Variants in AIFM3 observed in about 807,000 individuals in gnomAD.
AIFM3 encodes apoptosis-inducing factor 3.
A neutral mutation model predicts 82.7 loss-of-function variants in AIFM3; 71 were observed. The observed-to-expected ratio is 0.86, with a 90% confidence interval of 0.71 to 1.05. AIFM3 has a LOEUF of 1.05. Among genes scored for constraint, AIFM3 ranks in the 50% least tolerant of loss-of-function variants. The pLI is 0.00. For synonymous variants in AIFM3, 337 were observed against 329.1 expected (o/e 1.02, Z -0.26); for missense variants, 748 against 816.7 (o/e 0.92, Z 1.03).
In AIFM3 at chr22:20,973,848, C is replaced by T. The variant is rs148456772; in HGVS notation, c.336C>T (p.Tyr112=). The part of the protein sequence containing the change: ...FHALGHKCPH[Y]GAPLVKGVLS... ...CCCTGGGCCATAAGTGTCCGCACTACGGCGCACCCCTGGTGAAAGGTGAGC... is the reference window on the plus strand; with the variant it reads ...CCCTGGGCCATAAGTGTCCGCACTATGGCGCACCCCTGGTGAAAGGTGAGC... Residue 112 remains tyrosine, a synonymous_variant, in exon 4 of 21, where the codon TAC becomes TAT. Coordinates refer to ENST00000440238, the MANE Select transcript of AIFM3 (RefSeq NM_001386814.1). 1.0e-4 allele frequency: 159 copies of T among 1,553,112 alleles called. No homozygotes were observed. In the African/African-American group the frequency reaches 1.3e-3, roughly 13 times the overall value.
Position 20,973,345 on chromosome 22 carries a change from C to T in AIFM3, c.70C>T (p.Arg24Ter), listed in dbSNP as rs569194029. 1.9e-5 allele frequency: 30 copies of T among 1,604,982 alleles called. No individual in the cohort carries two copies. Among genetic ancestry groups the T allele is most frequent in the African/African-American group, 1.7e-4 (13 of 74,802 alleles). Residue 24 changes from arginine (R) to a stop codon, truncating the protein, a stop_gained, in exon 3 of 21, where the codon CGA becomes TGA. Coordinates refer to ENST00000440238, the MANE Select transcript of AIFM3 (RefSeq NM_001386814.1). LOFTEE classifies it high-confidence loss of function. Reference sequence around the variant, plus strand: ...CGAGGTGGTGCTGCCTGAGAAGGAGCGAGGCAAGGAGGAGCTGTCGGCCAG... The same window carrying T: ...CGAGGTGGTGCTGCCTGAGAAGGAGTGAGGCAAGGAGGAGCTGTCGGCCAG... ...KIEVVLPEKE[R>*]GKEELSASGK...
In AIFM3 at chr22:20,973,882, G is replaced by A; in HGVS notation, c.355+15G>A. ...CCTGGTGAAAGGTGAGCTGTCAGGTGGGAGGCGTGAGGGGGACCTTCCAGG... is the reference window on the plus strand; with the variant it reads ...CCTGGTGAAAGGTGAGCTGTCAGGTAGGAGGCGTGAGGGGGACCTTCCAGG... On this transcript the variant is annotated intron_variant, in intron 4 of 20. Coordinates refer to ENST00000440238, the MANE Select transcript of AIFM3 (RefSeq NM_001386814.1). 1 of 1,513,470 alleles carries A rather than the reference G, an allele frequency of 6.6e-7. No individual in the cohort carries two copies. The highest frequency in any genetic ancestry group is 8.9e-7 in the Non-Finnish European group (1 of 1,126,158). The allele number at this position is 1,513,470 out of a possible 1,614,324, so 93.8% of individuals were successfully genotyped here. A position where few individuals can be genotyped will look rare whatever the true frequency, so the allele number is the denominator to read the frequency against.
intron 2 of AIFM3, among the ~76,000 whole-genome samples, chr22:20,972,200 T>A (rs1480502641): frequency 1.3e-5 from 2 of 151,768 alleles, no homozygotes; most frequent in Non-Finnish European, 1.5e-5. Flanking sequence ...AGGTCAGGAG[T>A]TCGAGACCAG....
chr22:20,974,286 C>A lies in AIFM3; in HGVS notation c.500C>A (p.Ala167Asp), dbSNP rs771397968. The change falls in exon 6 of 21, where the codon GCC becomes GAC. Residue 167 changes from alanine to aspartate, a missense_variant. By Grantham distance (126) the Ala-to-Asp change is moderately radical. Transcript: ENST00000440238. ...GAGAAGGAGAAGGTGTACGTCCGGG[C>A]CAGCAAGCAGGTGAGGGGATAGCTC... ...KIEKEKVYVR[A>D]SKQALQLQRR... 6.2e-7 allele frequency: 1 copy of A among 1,613,608 alleles called. No individual in the cohort carries two copies. The highest frequency in any genetic ancestry group is 8.5e-7 in the Non-Finnish European group (1 of 1,179,944).
intron 8 of AIFM3, 136 bp downstream of exon 8, chr22:20,974,952 A>C: frequency 1.3e-6 from 1 of 790,574 alleles, no homozygotes; most frequent in Non-Finnish European, 2.0e-6. Flanking sequence ...TGGTACCCCC[A>C]AAAGATCTAG....
intron 1 of AIFM3, chr22:20,967,582 A>G (rs918496012): frequency 6.5e-6 from 2 of 310,052 alleles, no homozygotes; most frequent in Non-Finnish European, 6.0e-6. Context: ...TGGGCGGCCG[A>G]GGTTCGGGCA....
At position 20,969,432 on chromosome 22, in the gene AIFM3, C is replaced by T. The variant is rs562185928; in HGVS notation, c.31+1457C>T. The stretch of plus-strand genomic sequence containing the variant: ...GGGCCTGGCACACCAGAAGCACTTG[C>T]GGAATTTTTTTTTTTTGAGACAGAG... On this transcript the variant is annotated intron_variant, in intron 2 of 20. Transcript: ENST00000440238. Among the ~76,000 whole-genome samples the T allele has an allele frequency of 3.5e-3, 527 of 149,194 alleles. 4 individuals are homozygous for T. The highest frequency in any genetic ancestry group is 5.8e-3 in the Non-Finnish European group (394 of 67,944).
At chr22:20,965,657 G>T (rs1922835422), upstream of AIFM3, among the ~76,000 whole-genome samples, 1 of 152,186 alleles carries the variant, frequency 6.6e-6, no homozygotes, top group African/African-American at 2.4e-5. Flanking sequence ...CCACCCCTAG[G>T]ACGCCTGGAA....
chr22:20,979,145 C>T, intron 16 of AIFM3, 126 bp from the exon 17 acceptor site: 4 of 931,104 alleles, frequency 4.3e-6, no homozygotes, highest in Non-Finnish European at 5.1e-6. Flanking sequence ...ACAATGATGT[C>T]TCTTGACCTC....
At chr22:20,973,105 C>G (rs1300217272) in intron 2 of AIFM3, among the ~76,000 whole-genome samples, 1 of 152,088 alleles carries the variant, frequency 6.6e-6, no homozygotes, top group Non-Finnish European at 1.5e-5. Flanking sequence ...CGGGAGCACC[C>G]CCACCCATCC....
chr22:20,969,453 CAG>C (rs1055766717), intron 2 of AIFM3, among the ~76,000 whole-genome samples: 4 of 151,468 alleles, frequency 2.6e-5, no homozygotes, highest in Non-Finnish European at 5.9e-5. Context: ...TTTTTTGAGA[CAG>C]AGTTCACTCC....
At chr22:20,971,314 TCA>T (rs1491117846) in intron 2 of AIFM3, among the ~76,000 whole-genome samples, 2 of 152,234 alleles carry the variant, frequency 1.3e-5, no homozygotes, top group Non-Finnish European at 2.9e-5. Flanking sequence ...TACGATGGCC[TCA>T]GTGTGGCTCT....
chr22:20,967,813 G>T lies in AIFM3; in HGVS notation c.-132G>T. 1.0e-6 allele frequency: 1 copy of T among 953,240 alleles called. No homozygotes were observed. The highest frequency in any genetic ancestry group is 2.5e-5 in the East Asian group (1 of 40,648). The allele number at this position is 953,240 out of a possible 1,614,324, so 59.0% of individuals were successfully genotyped here. On this transcript the variant is annotated 5_prime_UTR_variant, in exon 2 of 21. Coordinates refer to ENST00000440238, the MANE Select transcript of AIFM3 (RefSeq NM_001386814.1). The stretch of plus-strand genomic sequence containing the variant: ...TCCAGTCTCCCCTGCAGGTCCTAGA[G>T]CAGCTCCAGCAGGATGGCGGCTCCA...
Position 20,980,986 on chromosome 22 carries a change from C to G in AIFM3, c.1779-6C>G, listed in dbSNP as rs1157451067. ...GTCTTGACCCCTCCTCCCCTCACTC[C>G]TGCAGGACTGGCGACATGTCCTGGC... On this transcript the variant is annotated splice_polypyrimidine_tract_variant and splice_region_variant and intron_variant, in intron 20 of 20. Coordinates refer to ENST00000440238, the MANE Select transcript of AIFM3 (RefSeq NM_001386814.1). 6 of 1,614,092 alleles carry G rather than the reference C, an allele frequency of 3.7e-6. No homozygotes were observed. The highest frequency in any genetic ancestry group is 5.1e-6 in the Non-Finnish European group (6 of 1,180,044).
intron 2 of AIFM3, among the ~76,000 whole-genome samples, chr22:20,972,547 C>T (rs1000135923): frequency 1.6e-4 from 25 of 152,252 alleles, no homozygotes; most frequent in African/African-American, 5.5e-4. Context: ...CCCAGATTCA[C>T]TGGCTGGGAA....
At chr22:20,965,902 T>C (rs1379669887), upstream of AIFM3, among the ~76,000 whole-genome samples, 2 of 152,152 alleles carry the variant, frequency 1.3e-5, no homozygotes, top group Admixed American at 6.5e-5. Context: ...TGGTTAGCAC[T>C]GGGCTCTGCT....
chr22:20,966,066 G>T (rs1438114576), upstream of AIFM3, among the ~76,000 whole-genome samples: 1 of 152,192 alleles, frequency 6.6e-6, no homozygotes, highest in Non-Finnish European at 1.5e-5. Context: ...TAGGCCGAAG[G>T]CACAGGGGCC....
Position 20,980,780 on chromosome 22 carries a change from T to C in AIFM3, c.1778+13T>C. 3 of 1,614,184 alleles carry C rather than the reference T, an allele frequency of 1.9e-6. No individual in the cohort carries two copies. Among genetic ancestry groups the C allele is most frequent in the Non-Finnish European group, 2.5e-6 (3 of 1,180,026 alleles). On this transcript the variant is annotated intron_variant, in intron 20 of 20. Coordinates refer to ENST00000440238, the MANE Select transcript of AIFM3 (RefSeq NM_001386814.1). ...TGCTGCACAGCAAGTACGTGTGTCCTTCATGTTGACCGTTCTGAGCCTTTC... is the reference window on the plus strand; with the variant it reads ...TGCTGCACAGCAAGTACGTGTGTCCCTCATGTTGACCGTTCTGAGCCTTTC...
upstream of AIFM3, chr22:20,966,473 A>G (rs887753803): frequency 6.6e-6 from 1 of 152,262 alleles, no homozygotes; most frequent in Non-Finnish European, 1.5e-5. Context: ...TCCCTCTCCA[A>G]CCTGGCCTTT....
Sources: allele counts gnomAD v4.1 joint callset (sites outside exome capture counted in the v4.1 genomes callset), GRCh38; gene constraint gnomAD v4.1.1; transcripts MANE v1.5; gene names NCBI Gene and HGNC (gene_info 2026-07-23, HGNC 2026-07-21).